Variants in CUX2 observed in about 807,000 individuals in gnomAD.
CUX2 encodes cut like homeobox 2.
Under a neutral mutation model 144.8 loss-of-function variants are expected in CUX2, and 40 were observed. The ratio of observed to expected loss-of-function variants is 0.28; its 90% CI spans 0.21 to 0.36. CUX2 has a LOEUF of 0.36. CUX2 is among the 10% of genes least tolerant of loss of function. The pLI is 1.00. For missense variants in CUX2, 1,615 were observed against 1,994.0 expected (o/e 0.81, Z 3.62); for synonymous variants, 827 against 875.6 (o/e 0.94, Z 0.98).
At chr12:111,079,820 T>C (rs1336601438) in intron 1 of CUX2, among the ~76,000 whole-genome samples, 3 of 152,138 alleles carry the variant, frequency 2.0e-5, no homozygotes, top group Non-Finnish European at 4.4e-5. Flanking sequence ...AGTGTGGGTT[T>C]GGGACTGGGT....
At position 111,301,814 on chromosome 12, in the gene CUX2, G is replaced by A. The variant is rs559496594; in HGVS notation, c.754-2396G>A. ...CCCCAGCTAATTGCTTTAAAACCCA[G>A]CTTTACTGTTCAGGGGCTGTCTCCA... On this transcript the variant is annotated intron_variant, in intron 9 of 21. Transcript: ENST00000261726. Among the ~76,000 whole-genome samples the A allele has an allele frequency of 1.7e-3, 254 of 152,336 alleles. No homozygotes were observed. In the Middle Eastern group the frequency reaches 0.017, roughly 10 times the overall value.
chr12:111,272,093 C>A (rs566375567), intron 4 of CUX2, among the ~76,000 whole-genome samples: 1 of 152,140 alleles, frequency 6.6e-6, no homozygotes, highest in South Asian at 2.1e-4. Flanking sequence ...TTTTTTAGTA[C>A]TTTTGTGATC....
At position 111,062,112 on chromosome 12, in the gene CUX2, T is replaced by C. The variant is rs559208064; in HGVS notation, c.63+27872T>C. 1.1e-4 allele frequency among the ~76,000 whole-genome samples: 16 copies of C among 152,274 alleles called. No individual in the cohort carries two copies. The South Asian group carries it at 3.1e-3, about 30-fold the overall frequency. On this transcript the variant is annotated intron_variant, in intron 1 of 21. Transcript: ENST00000261726. Reference sequence around the variant, plus strand: ...CACTTCTGCTATAGCCGCCGGCGGGTCTGCCATGCTTAGTGTATACTGGGT... The same window carrying C: ...CACTTCTGCTATAGCCGCCGGCGGGCCTGCCATGCTTAGTGTATACTGGGT...
rs748722683 is a variant in CUX2, at chr12:111,348,362, C to A, written c.*37C>A. The stretch of plus-strand genomic sequence containing the variant: ...GGGGGCAAGGGACATACCCTGGTAA[C>A]TACCTTCCTTCTCGCACTTACTCTC... On this transcript the variant is annotated 3_prime_UTR_variant, in exon 22 of 22. Transcript: ENST00000261726. The A allele has an allele frequency of 4.5e-6, 7 of 1,561,846 alleles. No homozygotes were observed. In the South Asian group the frequency reaches 7.0e-5, roughly 16 times the overall value.
chr12:111,304,311 T>C lies in CUX2; in HGVS notation c.855T>C (p.Ser285=), dbSNP rs1249102928. The part of the protein sequence containing the change: ...RLACCSPQGP[S]GDKVNFTLCS... ...CTTGCTGCTCTCCCCAGGGGCCCAG[T>C]GGGGTAAGGATGGGGTTGGGGAAGT... Residue 285 remains serine, a synonymous_variant, in exon 10 of 22, where the codon AGT becomes AGC. Transcript: ENST00000261726. This position sits in a 1 kb window ranked among gnomAD's most constrained non-coding sequence, Gnocchi z 4.7. 6.2e-7 allele frequency: 1 copy of C among 1,612,378 alleles called. No individual in the cohort carries two copies. Among genetic ancestry groups the C allele is most frequent in the Admixed American group, 1.7e-5 (1 of 59,852 alleles).
chr12:111,273,731 T>C (rs546473294), intron 4 of CUX2, among the ~76,000 whole-genome samples: 1 of 152,232 alleles, frequency 6.6e-6, no homozygotes, highest in African/African-American at 2.4e-5. Flanking sequence ...TTGAAGAACC[T>C]CCCTGCAGAG....
intron 3 of CUX2, among the ~76,000 whole-genome samples, chr12:111,261,291 G>T (rs1402525362): frequency 1.3e-5 from 2 of 152,150 alleles, no homozygotes; most frequent in Non-Finnish European, 2.9e-5. Flanking sequence ...TGTGTCCGTG[G>T]AGACAGACTC....
At chr12:111,087,769 T>G (rs1872324680) in intron 1 of CUX2, among the ~76,000 whole-genome samples, 1 of 152,170 alleles carries the variant, frequency 6.6e-6, no homozygotes. Flanking sequence ...ATGAATGAAA[T>G]TATATGCCTG....
In CUX2 at chr12:111,291,523, A is replaced by G. The variant is rs372460519; in HGVS notation, c.407A>G (p.Lys136Arg). The change falls in exon 5 of 22, where the codon AAG (lysine) becomes AGG (arginine). Residue 136 changes from lysine to arginine, a missense_variant. By Grantham distance (26) the Lys-to-Arg change is conservative (BLOSUM62 2). Transcript: ENST00000261726. ...QPRRDLHTSW[K>R]RNPELLSPKE... is the part of the protein sequence containing the mutation. ...CGGCGAGACCTCCACACTTCGTGGA[A>G]GAGGAACCCCGAGCTCCTCAGCCCC... 371 of 1,611,232 alleles carry G rather than the reference A, an allele frequency of 2.3e-4. No homozygotes were observed. Among genetic ancestry groups the G allele is most frequent in the Non-Finnish European group, 3.1e-4 (364 of 1,178,640 alleles).
intron 1 of CUX2, among the ~76,000 whole-genome samples, chr12:111,117,577 A>G (rs543187421): frequency 1.3e-4 from 20 of 152,366 alleles, no homozygotes; most frequent in East Asian, 9.6e-4. Flanking sequence ...AGCATGAATG[A>G]TGACCATAAG....
At chr12:111,328,573 A>G (rs1413729468) in intron 18 of CUX2, among the ~76,000 whole-genome samples, 3 of 112,562 alleles carry the variant, frequency 2.7e-5, no homozygotes, top group East Asian at 5.7e-4. Flanking sequence ...CTCTCCTCCA[A>G]TTTCTTTTGT....
intron 1 of CUX2, among the ~76,000 whole-genome samples, chr12:111,185,400 G>A (rs970838778): frequency 1.3e-5 from 2 of 152,186 alleles, no homozygotes; most frequent in Non-Finnish European, 2.9e-5. Context: ...ATAAGCAATG[G>A]CAGCTCTCTA....
intron 2 of CUX2, among the ~76,000 whole-genome samples, chr12:111,214,963 C>CCTATTGCTT (rs1341042568): frequency 6.6e-6 from 1 of 152,098 alleles, no homozygotes; most frequent in Non-Finnish European, 1.5e-5. Flanking sequence ...CGCAGGCCCC[C>CCTATTGCTT]CTATTGCTTC....
At chr12:111,254,030 A>G (rs1017798813) in intron 3 of CUX2, among the ~76,000 whole-genome samples, 5 of 152,084 alleles carry the variant, frequency 3.3e-5, no homozygotes, top group African/African-American at 1.2e-4. Context: ...ATGCCCAGCC[A>G]TATTCAATTT....
chr12:111,136,623 T>A (rs1480753625), intron 1 of CUX2, among the ~76,000 whole-genome samples: 7 of 152,218 alleles, frequency 4.6e-5, no homozygotes, highest in African/African-American at 1.7e-4. Context: ...GCCCTTCATC[T>A]CATTTAATTG....
At position 111,291,570 on chromosome 12, in the gene CUX2, T is replaced by A. The variant is rs1186787633; in HGVS notation, c.436+18T>A. ...CCCCAAAGGTACTGATAAGGCCTTC[T>A]CGGAGCGTCTACAATAAACAACCAG... On this transcript the variant is annotated intron_variant, in intron 5 of 21. Transcript: ENST00000261726. 12 of 1,581,572 alleles carry A rather than the reference T, an allele frequency of 7.6e-6. No individual in the cohort carries two copies. The highest frequency in any genetic ancestry group is 1.8e-5 in the Admixed American group (1 of 54,288).
chr12:111,205,081 A>G (rs1165569809), intron 1 of CUX2, among the ~76,000 whole-genome samples: 1 of 152,142 alleles, frequency 6.6e-6, no homozygotes. Flanking sequence ...TGGCTCTGGT[A>G]ACCCGGGCTG....
Position 111,350,530 on chromosome 12 carries a change from C to T in CUX2, c.*2205C>T, listed in dbSNP as rs931929820. ...AAAGGAACACGTTCTGTAAACGAGT[C>T]GCTAAATACAGAATTGTATAATAAT... On this transcript the variant is annotated 3_prime_UTR_variant, in exon 22 of 22. Transcript: ENST00000261726. 2 of 152,518 alleles carry T rather than the reference C, an allele frequency of 1.3e-5. No individual in the cohort carries two copies. Among genetic ancestry groups the T allele is most frequent in the Admixed American group, 6.5e-5 (1 of 15,286 alleles). 9.4% of individuals were successfully genotyped at this position (152,518 alleles called of 1,614,324 possible).
In CUX2 at chr12:111,149,629, G is replaced by A. The variant is rs540693545; in HGVS notation, c.64-64571G>A. Among the ~76,000 whole-genome samples the A allele has an allele frequency of 1.7e-3, 258 of 152,254 alleles. 1 individual carries two copies. The highest frequency in any genetic ancestry group is 5.6e-3 in the African/African-American group (234 of 41,544). ...TTTAACGGGGGCTTCCTGGCAGTAC[G>A]GAGGATATTGGACAGTCACTCGTGT... On this transcript the variant is annotated intron_variant, in intron 1 of 21. Transcript: ENST00000261726.
Sources: allele counts gnomAD v4.1 joint callset (sites outside exome capture counted in the v4.1 genomes callset), GRCh38; gene constraint gnomAD v4.1.1; non-coding constraint Gnocchi (gnomAD v3.1); transcripts MANE v1.5; gene names NCBI Gene and HGNC (gene_info 2026-07-23, HGNC 2026-07-21).